Variants in SPAG16 observed in about 807,000 individuals in gnomAD.
SPAG16 encodes the protein sperm-associated antigen 16 protein.
In SPAG16, 86 loss-of-function variants were observed where a neutral mutation model predicts 80.4. That is an observed-to-expected ratio of 1.07 (90% CI 0.90 to 1.28). SPAG16 has a LOEUF of 1.28. SPAG16 is among the 50% of genes most tolerant of loss of function. The probability of loss-of-function intolerance (pLI) is 0.00; values close to 1 mark genes in which losing one functional copy is unlikely to be tolerated. For missense variants in SPAG16, 870 were observed against 765.3 expected, an observed-to-expected ratio of 1.14 and a Z score of -1.61; for synonymous variants, 294 against 265.9, an observed-to-expected ratio of 1.11 and a Z score of -1.03.
intron 10 of SPAG16, among the ~76,000 whole-genome samples, chr2:213,632,611 A>G (rs187444265): frequency 9.9e-5 from 15 of 152,250 alleles, no homozygotes; most frequent in African/African-American, 3.6e-4. Context: ...TAAGACTGTC[A>G]TATATGGCTT....
chr2:213,431,592 A>G (rs558231468), intron 9 of SPAG16, among the ~76,000 whole-genome samples: 3 of 152,196 alleles, frequency 2.0e-5, no homozygotes, highest in Non-Finnish European at 2.9e-5. Context: ...ACACCAGAGG[A>G]CACAGATTCA....
chr2:214,071,873 G>A (rs2050802738), intron 13 of SPAG16, among the ~76,000 whole-genome samples: 1 of 151,880 alleles, frequency 6.6e-6, no homozygotes, highest in Admixed American at 6.6e-5. Context: ...CTGTAATTTA[G>A]TTAGAAACTT....
chr2:213,919,414 G>A (rs2078109961), intron 11 of SPAG16, among the ~76,000 whole-genome samples: 1 of 152,014 alleles, frequency 6.6e-6, no homozygotes, highest in Admixed American at 6.6e-5. Flanking sequence ...TTTTTGATGT[G>A]GGCATTTAGT....
At chr2:213,367,856 C>T (rs1298865322) in intron 8 of SPAG16, among the ~76,000 whole-genome samples, 4 of 142,246 alleles carry the variant, frequency 2.8e-5, no homozygotes, top group African/African-American at 5.2e-5. Flanking sequence ...ACATGAAGTC[C>T]TTGCCCATGC....
At chr2:214,007,151 CTTATAT>C (rs141608894) in intron 12 of SPAG16, among the ~76,000 whole-genome samples, 3,711 of 152,126 alleles carry the variant, frequency 0.024, 147 homozygotes, top group African/African-American at 0.085. Context: ...CACAAATGTA[CTTATAT>C]TTATAATAAT....
At chr2:213,555,664 A>AC (rs2059402957) in intron 10 of SPAG16, among the ~76,000 whole-genome samples, 1 of 152,230 alleles carries the variant, frequency 6.6e-6, no homozygotes. Flanking sequence ...TCCCAGATGA[A>AC]TAAAACCTGA....
intron 10 of SPAG16, among the ~76,000 whole-genome samples, chr2:213,600,265 T>A (rs1251799601): frequency 6.6e-6 from 1 of 152,194 alleles, no homozygotes; most frequent in East Asian, 1.9e-4. Flanking sequence ...ACACATACGT[T>A]ATGCATCTCA....
intron 10 of SPAG16, among the ~76,000 whole-genome samples, chr2:213,825,395 T>C (rs937021420): frequency 3.3e-5 from 5 of 152,124 alleles, no homozygotes; most frequent in African/African-American, 1.2e-4. Flanking sequence ...TGAGGTATGT[T>C]CCTTCTATTC....
chr2:213,562,632 T>A (rs2059629898), intron 10 of SPAG16, among the ~76,000 whole-genome samples: 1 of 152,022 alleles, frequency 6.6e-6, no homozygotes, highest in Admixed American at 6.6e-5. Flanking sequence ...TGACCTCACG[T>A]GGTGGAAGAG....
At chr2:213,743,786 C>G (rs113379892) in intron 10 of SPAG16, among the ~76,000 whole-genome samples, 3,679 of 152,200 alleles carry the variant, frequency 0.024, 150 homozygotes, top group African/African-American at 0.083. Flanking sequence ...TCTTCTATCA[C>G]TTCTAGAAAA....
intron 14 of SPAG16, among the ~76,000 whole-genome samples, chr2:214,115,974 T>A (rs72937990): frequency 0.19 from 28,508 of 151,764 alleles, 3,269 homozygotes; most frequent in Middle Eastern, 0.28. Flanking sequence ...GTTTCAGGAT[T>A]CAGGTAGGAG....
chr2:213,944,953 G>T (rs376089895), intron 12 of SPAG16, among the ~76,000 whole-genome samples: 1 of 152,030 alleles, frequency 6.6e-6, no homozygotes, highest in Non-Finnish European at 1.5e-5. Context: ...CAAGAGAATC[G>T]CTTGAACCCA....
intron 10 of SPAG16, among the ~76,000 whole-genome samples, chr2:213,493,061 C>T (rs1191985232): frequency 6.6e-6 from 1 of 151,888 alleles, no homozygotes; most frequent in African/African-American, 2.4e-5. Context: ...AGGCAAACTA[C>T]AAAATAGTGA....
At chr2:213,406,230 C>G (rs2068600923) in intron 9 of SPAG16, among the ~76,000 whole-genome samples, 1 of 152,044 alleles carries the variant, frequency 6.6e-6, no homozygotes, top group Admixed American at 6.6e-5. Flanking sequence ...TGTGCAGTTA[C>G]TTTATTCATT....
intron 15 of SPAG16, among the ~76,000 whole-genome samples, chr2:214,247,087 T>C (rs1689902932): frequency 6.6e-6 from 1 of 152,084 alleles, no homozygotes; most frequent in Admixed American, 6.6e-5. Context: ...TAATTGAAAA[T>C]GTAATTTTTG....
chr2:214,060,090 C>A (rs1220017493), intron 13 of SPAG16, among the ~76,000 whole-genome samples: 1 of 152,108 alleles, frequency 6.6e-6, no homozygotes, highest in South Asian at 2.1e-4. Flanking sequence ...GATCAAGCAA[C>A]CTTTGAAAGA....
intron 11 of SPAG16, among the ~76,000 whole-genome samples, chr2:213,913,864 G>T (rs554906752): frequency 6.6e-5 from 10 of 152,116 alleles, no homozygotes; most frequent in African/African-American, 2.4e-4. Flanking sequence ...TGATTTTGCA[G>T]CTTAAATCTG....
chr2:213,710,098 G>T (rs2065918453), intron 10 of SPAG16, among the ~76,000 whole-genome samples: 1 of 152,038 alleles, frequency 6.6e-6, no homozygotes, highest in Admixed American at 6.5e-5. Flanking sequence ...GGCTAACATG[G>T]TGAAACCTCG....
At chr2:214,287,200 A>G (rs1211515339) in intron 15 of SPAG16, among the ~76,000 whole-genome samples, 2 of 152,204 alleles carry the variant, frequency 1.3e-5, no homozygotes, top group African/African-American at 2.4e-5. Context: ...ATCCACTGAA[A>G]TGTTGACATT....
Sources: gnomAD v4.1 joint callset for allele counts (sites outside exome capture counted in the v4.1 genomes callset) on GRCh38, gnomAD v4.1.1 for gene constraint, MANE v1.5 for transcripts, NCBI Gene and HGNC (gene_info 2026-07-23, HGNC 2026-07-21) for gene names.